The following NCOR2 variants were observed in gnomAD, a reference collection of about 807,000 sequenced individuals.
NCOR2 encodes the protein nuclear receptor corepressor 2, also known as CTG repeat protein 26.
In NCOR2, 81 loss-of-function variants were observed where a neutral mutation model predicts 262.9. The observed-to-expected ratio is 0.31, with a 90% CI of 0.26 to 0.37. NCOR2 has a LOEUF of 0.37. NCOR2 is among the 10% of genes least tolerant of loss of function. NCOR2 has a pLI of 1.00. For missense variants in NCOR2, 3,385 were observed against 3,621.4 expected (o/e 0.93, Z 1.68); for synonymous variants, 1,659 against 1,559.3 (o/e 1.06, Z -1.51).
chr12:124,439,258 GA>G (rs2044648783), intron 7 of NCOR2, among the ~76,000 whole-genome samples: 63 of 84,144 alleles, frequency 7.5e-4, no homozygotes, highest in Middle Eastern at 8.9e-3. Flanking sequence ...CAGAGAGAGA[GA>G]GATGGAGACC....
intron 18 of NCOR2, among the ~76,000 whole-genome samples, chr12:124,375,881 G>C (rs571606442): frequency 6.6e-5 from 10 of 152,188 alleles, no homozygotes; most frequent in African/African-American, 2.4e-4. Flanking sequence ...CACTGCCCCC[G>C]GGGAGGGGCC....
intron 2 of NCOR2, among the ~76,000 whole-genome samples, chr12:124,484,229 T>C (rs967788032): frequency 1.3e-5 from 2 of 152,108 alleles, no homozygotes; most frequent in Admixed American, 1.3e-4. Flanking sequence ...CGTGATGCCA[T>C]TTCCCTCTCA....
At chr12:124,380,367 C>T (rs575465478) in intron 17 of NCOR2, among the ~76,000 whole-genome samples, 5 of 152,344 alleles carry the variant, frequency 3.3e-5, no homozygotes, top group Admixed American at 6.5e-5. Flanking sequence ...AAAAGGGAAA[C>T]GACTGCTCGT....
chr12:124,375,792 T>C (rs2039945690), intron 18 of NCOR2, among the ~76,000 whole-genome samples: 1 of 152,184 alleles, frequency 6.6e-6, no homozygotes, highest in African/African-American at 2.4e-5. Flanking sequence ...TTATTATTAC[T>C]GGAGAAACCA....
chr12:124,430,895 C>T, intron 8 of NCOR2, 108 bp from the exon 11 acceptor site: 2 of 1,296,660 alleles, frequency 1.5e-6, no homozygotes. Context: ...TGCGCACACA[C>T]ACAAAGTCAC....
chr12:124,509,570 C>T (rs2049272086), intron 1 of NCOR2, among the ~76,000 whole-genome samples: 1 of 152,180 alleles, frequency 6.6e-6, no homozygotes, highest in Non-Finnish European at 1.5e-5. Context: ...TCTCTTCCAC[C>T]CGCTAGGTCC....
Position 124,481,018 on chromosome 12 carries a change from G to A in NCOR2, c.411+2578C>T, listed in dbSNP as rs936249636. The stretch of plus-strand genomic sequence containing the variant: ...AGGCAGATGGGCTGGGTGGCGCTGG[G>A]TGGTGGCTGGGAGTGGCTCTGTGGT... On this transcript the variant is annotated intron_variant, in intron 3 of 46. Coordinates refer to ENST00000405201, the Ensembl canonical transcript of NCOR2. The surrounding 1 kb of genome is among the most constrained non-coding windows in gnomAD (Gnocchi z 4.6). 1.3e-5 allele frequency among the ~76,000 whole-genome samples: 2 copies of A among 152,088 alleles called. No homozygotes were observed. The highest frequency in any genetic ancestry group is 4.8e-5 in the African/African-American group (2 of 41,456).
At chr12:124,339,863 CAT>C (rs112752180) in intron 37 of NCOR2, 141 bp downstream of exon 39, 31,840 of 1,036,722 alleles carry the variant, frequency 0.031, 1,926 homozygotes, top group African/African-American at 0.15. Context: ...ACTACTCACA[CAT>C]AGTCTATTCT....
At chr12:124,360,442 C>T (rs1411149367) in intron 22 of NCOR2, among the ~76,000 whole-genome samples, 5 of 152,262 alleles carry the variant, frequency 3.3e-5, no homozygotes, top group African/African-American at 7.2e-5. Flanking sequence ...CCAAGAGCTG[C>T]GCTGTGACCT....
intron 13 of NCOR2, among the ~76,000 whole-genome samples, chr12:124,407,079 C>A (rs2042315013): frequency 6.6e-6 from 1 of 152,194 alleles, no homozygotes; most frequent in African/African-American, 2.4e-5. Flanking sequence ...AGGTGCCCTA[C>A]CTCCGCCCTG....
intron 1 of NCOR2, among the ~76,000 whole-genome samples, chr12:124,518,796 T>C (rs2049994045): frequency 6.6e-6 from 1 of 152,144 alleles, no homozygotes; most frequent in Non-Finnish European, 1.5e-5. Context: ...CTTCTCCCAC[T>C]TTAACCCGCT....
chr12:124,372,349 T>G, exon 20 of NCOR2: 1 of 1,516,518 alleles, frequency 6.6e-7, no homozygotes, highest in South Asian at 1.3e-5. Context: ...CTCCTCCTCC[T>G]TCTCCTCCTT....
intron 18 of NCOR2, among the ~76,000 whole-genome samples, chr12:124,377,088 C>A (rs779443837): frequency 2.0e-5 from 3 of 152,182 alleles, no homozygotes; most frequent in Admixed American, 6.5e-5. Context: ...GGCCAGGTGT[C>A]GGCAGCCCGT....
chr12:124,533,223 C>T (rs562013685), intron 1 of NCOR2, among the ~76,000 whole-genome samples: 1 of 151,906 alleles, frequency 6.6e-6, no homozygotes, highest in African/African-American at 2.4e-5. Flanking sequence ...GGGGGGCCCC[C>T]AAAGGCTCAG....
At chr12:124,365,529 T>C (rs1204581777) in intron 20 of NCOR2, among the ~76,000 whole-genome samples, 1 of 152,196 alleles carries the variant, frequency 6.6e-6, no homozygotes, top group Non-Finnish European at 1.5e-5. Context: ...GCCACCGGCA[T>C]GTGACCGGCC....
rs1444461404 is a variant in NCOR2, at chr12:124,425,394, G to A, written c.1328+1228C>T. On this transcript the variant is annotated intron_variant, in intron 11 of 46. Coordinates refer to ENST00000405201, the Ensembl canonical transcript of NCOR2. The stretch of plus-strand genomic sequence containing the variant: ...GTCTTGAAAAGAAGAAAGAAAAAAA[G>A]GAAAAAAAAACCTTATGAGATTTTT... Among the ~76,000 whole-genome samples, 10 of 151,190 alleles carry A rather than the reference G, an allele frequency of 6.6e-5. No individual in the cohort carries two copies. The East Asian group carries it at 1.5e-3, about 23-fold the overall frequency.
intron 1 of NCOR2, among the ~76,000 whole-genome samples, chr12:124,501,935 A>C (rs898182611): frequency 6.6e-6 from 1 of 152,112 alleles, no homozygotes; most frequent in Admixed American, 6.5e-5. Context: ...GCCCGGGGGG[A>C]ACTCTGGGAC....
rs757650627 is a variant in NCOR2 at position 124,337,022 on chromosome 12, C to T, written c.5846G>A (p.Arg1949Gln). Reference sequence around the variant, plus strand: ...GAGGAAGGCATGGCCGGTGTCTGCTCGGGGCCGCTCTGGCCGGGCGACCCG... The same window carrying T: ...GAGGAAGGCATGGCCGGTGTCTGCTTGGGGCCGCTCTGGCCGGGCGACCCG... Residue 1949 changes from arginine (R) to glutamine (Q), a missense_variant, in exon 38 of 47, where the codon CGA becomes CAA. Arg to Gln is a conservative substitution (Grantham distance 43). Around this residue, in one of 5 missense-constraint regions of NCOR2, gnomAD observed 1,017 missense variants for 967.2 expected, o/e 1.05. Coordinates refer to ENST00000405201, the Ensembl canonical transcript of NCOR2. 73 of 1,504,402 alleles carry T rather than the reference C, an allele frequency of 4.9e-5. No individual in the cohort carries two copies. Among genetic ancestry groups the T allele is most frequent in the South Asian group, 3.7e-4 (27 of 73,124 alleles). The allele number at this position is 1,504,402 out of a possible 1,614,324, so 93.2% of individuals were successfully genotyped here.
At position 124,548,253 on chromosome 12, in the gene NCOR2, G is replaced by T. The variant is rs1398245260; in HGVS notation, c.-164-12642C>A. Among the ~76,000 whole-genome samples, 1 of 152,326 alleles carries T rather than the reference G, an allele frequency of 6.6e-6. No individual in the cohort carries two copies. The highest frequency in any genetic ancestry group is 2.1e-4 in the South Asian group (1 of 4,824). On this transcript the variant is annotated intron_variant, in intron 1 of 32. Coordinates refer to the NCOR2 transcript ENST00000458234. This position sits in a 1 kb window ranked among gnomAD's most constrained non-coding sequence, Gnocchi z 5.1. ...TCCAGGTGGGGGGAACAACAAACGC[G>T]AAGGCCCAGAGGCAGATGCGGTCGG...
Sources: allele counts gnomAD v4.1 joint callset (sites outside exome capture counted in the v4.1 genomes callset), GRCh38; gene constraint gnomAD v4.1.1; regional missense constraint gnomAD v4.1.1; non-coding constraint Gnocchi (gnomAD v3.1); transcripts MANE v1.5; gene names NCBI Gene and HGNC (gene_info 2026-07-23, HGNC 2026-07-21).